CLDN10: variants seen among roughly 807,000 people sequenced by gnomAD.
CLDN10 encodes the protein claudin 10.
CLDN10 carries 15 observed loss-of-function variants against 22.9 expected under a neutral mutation model. That is an observed-to-expected ratio of 0.65 (90% CI 0.44 to 1.01). The LOEUF (loss-of-function observed/expected upper bound fraction) is 1.01. CLDN10 is among the 50% of genes least tolerant of loss of function. CLDN10 has a pLI of 0.00. For synonymous variants in CLDN10, 114 were observed against 111.4 expected, an observed-to-expected ratio of 1.02 and a Z score of -0.15; for missense variants, 247 against 287.8, an observed-to-expected ratio of 0.86 and a Z score of 1.03.
At chr13:95,509,673 A>C (rs1200067056) in intron 1 of CLDN10, among the ~76,000 whole-genome samples, 9 of 152,178 alleles carry the variant, frequency 5.9e-5, no homozygotes, top group East Asian at 3.8e-4. Flanking sequence ...AGCACTAAGC[A>C]ACTCTGCTTT....
chr13:95,547,190 A>C (rs1175358516), intron 1 of CLDN10, among the ~76,000 whole-genome samples: 1 of 151,266 alleles, frequency 6.6e-6, no homozygotes, highest in African/African-American at 2.4e-5. Context: ...TCACCCTTTT[A>C]AATTTAACTG....
rs2043393626 is a variant in CLDN10 at position 95,535,729 on chromosome 13, G to C, written c.215-24403G>C. ...CATTATGGAGCCACCAGTTGGTTCAGGGAAAGACTGTGATGTGAAAAGGGG... is the reference window on the plus strand; with the variant it reads ...CATTATGGAGCCACCAGTTGGTTCACGGAAAGACTGTGATGTGAAAAGGGG... On this transcript the variant is annotated intron_variant, in intron 1 of 4. Coordinates refer to the CLDN10 transcript ENST00000376873. Among the ~76,000 whole-genome samples the C allele has an allele frequency of 2.0e-5, 3 of 152,054 alleles. No homozygotes were observed. The South Asian group carries it at 6.2e-4, about 32-fold the overall frequency.
intron 3 of CLDN10, among the ~76,000 whole-genome samples, chr13:95,563,357 CT>C (rs1021663014): frequency 3.3e-4 from 50 of 152,022 alleles, no homozygotes; most frequent in African/African-American, 1.2e-3. Flanking sequence ...TTATAGATGC[CT>C]TTATTAGCTC....
chr13:95,511,049 G>C (rs114613852), intron 1 of CLDN10, among the ~76,000 whole-genome samples: 2,777 of 152,186 alleles, frequency 0.018, 78 homozygotes, highest in African/African-American at 0.063. Context: ...TATTTGTCAG[G>C]CATAAGAATT....
At chr13:95,559,755 G>C (rs1027763219) in intron 1 of CLDN10, among the ~76,000 whole-genome samples, 2 of 152,138 alleles carry the variant, frequency 1.3e-5, no homozygotes, top group African/African-American at 2.4e-5. Flanking sequence ...ACAGTGAAAG[G>C]CACCTTTCAC....
intron 1 of CLDN10, among the ~76,000 whole-genome samples, chr13:95,453,886 G>A (rs189020128): frequency 3.7e-4 from 56 of 152,060 alleles, no homozygotes; most frequent in Admixed American, 1.4e-3. Flanking sequence ...AGGCCAAGGC[G>A]GGCGGATCAC....
intron 1 of CLDN10, among the ~76,000 whole-genome samples, chr13:95,436,783 G>C (rs1483305638): frequency 2.6e-5 from 4 of 152,114 alleles, no homozygotes; most frequent in Non-Finnish European, 5.9e-5. Context: ...GTCATTGCTG[G>C]TTGCTTTTCT....
chr13:95,561,339 G>C (rs1424631865), intron 3 of CLDN10, among the ~76,000 whole-genome samples: 1 of 151,992 alleles, frequency 6.6e-6, no homozygotes, highest in Non-Finnish European at 1.5e-5. Flanking sequence ...TTTTTTTCTG[G>C]TGGTTTTAGG....
intron 1 of CLDN10, among the ~76,000 whole-genome samples, chr13:95,539,349 A>G (rs944869122): frequency 6.6e-6 from 1 of 152,228 alleles, no homozygotes; most frequent in Non-Finnish European, 1.5e-5. Context: ...TTGGATTGTG[A>G]ATCTGTTTTC....
At position 95,563,817 on chromosome 13, in the gene CLDN10, G is replaced by A. The variant is rs957141303; in HGVS notation, c.464+3354G>A. Among the ~76,000 whole-genome samples the A allele has an allele frequency of 2.6e-5, 4 of 152,222 alleles. No homozygotes were observed. The East Asian group carries it at 7.7e-4, about 29-fold the overall frequency. ...TAAAAACTAATAAATTAACTAATAT[G>A]ACTTCACTTGGTTTCCGTTTATCAA... On this transcript the variant is annotated intron_variant, in intron 3 of 4. Transcript: ENST00000299339.
intron 3 of CLDN10, among the ~76,000 whole-genome samples, chr13:95,567,121 T>C (rs554586645): frequency 2.6e-5 from 4 of 152,308 alleles, no homozygotes; most frequent in Admixed American, 2.0e-4. Flanking sequence ...TTTGGTTTCA[T>C]ATGAATTTTA....
intron 1 of CLDN10, among the ~76,000 whole-genome samples, chr13:95,541,778 A>G (rs2138624810): frequency 6.6e-6 from 1 of 152,246 alleles, no homozygotes; most frequent in Admixed American, 6.5e-5. Context: ...ATTTCCATAC[A>G]TTGCACCCAA....
At chr13:95,558,493 A>T (rs1165794532) in intron 1 of CLDN10, among the ~76,000 whole-genome samples, 1 of 152,232 alleles carries the variant, frequency 6.6e-6, no homozygotes, top group Non-Finnish European at 1.5e-5. Context: ...CACACTACAC[A>T]ATGGAAGGTC....
chr13:95,515,100 G>T (rs1265217194), intron 1 of CLDN10, among the ~76,000 whole-genome samples: 1 of 152,142 alleles, frequency 6.6e-6, no homozygotes, highest in Non-Finnish European at 1.5e-5. Context: ...TGAACTGCTG[G>T]GCTCAAGCAA....
intron 1 of CLDN10, among the ~76,000 whole-genome samples, chr13:95,461,844 T>A (rs375220660): frequency 8.0e-4 from 121 of 152,196 alleles, no homozygotes; most frequent in African/African-American, 2.7e-3. Flanking sequence ...GTAATCCTAA[T>A]ACTTTGGGAG....
intron 1 of CLDN10, among the ~76,000 whole-genome samples, chr13:95,496,165 C>A (rs1483685083): frequency 1.3e-5 from 2 of 152,204 alleles, no homozygotes; most frequent in Admixed American, 1.3e-4. Flanking sequence ...CAAACCCTCG[C>A]CTATACAACT....
chr13:95,466,634 G>A (rs1566284525), intron 1 of CLDN10, among the ~76,000 whole-genome samples: 1 of 151,980 alleles, frequency 6.6e-6, no homozygotes, highest in Non-Finnish European at 1.5e-5. Context: ...ATACAGCTTA[G>A]GAGGCAAGTG....
chr13:95,542,974 G>A (rs1025628050), intron 1 of CLDN10, among the ~76,000 whole-genome samples: 1 of 151,776 alleles, frequency 6.6e-6, no homozygotes, highest in Admixed American at 6.6e-5. Flanking sequence ...GCTCATGCCT[G>A]TAATCCCAGC....
intron 1 of CLDN10, among the ~76,000 whole-genome samples, chr13:95,510,017 TA>T (rs2043079101): frequency 3.3e-5 from 5 of 152,212 alleles, no homozygotes; most frequent in Admixed American, 3.3e-4. Flanking sequence ...TGGCTGATTC[TA>T]AACTACCAAA....
Sources: allele counts gnomAD v4.1 joint callset (sites outside exome capture counted in the v4.1 genomes callset), GRCh38; gene constraint gnomAD v4.1.1; transcripts MANE v1.5; gene names NCBI Gene and HGNC (gene_info 2026-07-23, HGNC 2026-07-21).